The following ERG variants were observed in gnomAD, a reference collection of about 807,000 sequenced individuals.
ERG encodes transcriptional regulator ERG.
A neutral mutation model predicts 55.3 loss-of-function variants in ERG; 9 were observed. That is an observed-to-expected ratio of 0.16 (90% CI 0.10 to 0.28). The LOEUF is 0.28. Among genes scored for constraint, ERG ranks in the 10% least tolerant of loss-of-function variants. ERG has a pLI of 1.00. For missense variants in ERG, 434 were observed against 631.6 expected (o/e 0.69, Z 3.35); for synonymous variants, 223 against 237.3 (o/e 0.94, Z 0.55).
chr21:38,413,516 A>C (rs1989150857), intron 3 of ERG, among the ~76,000 whole-genome samples: 1 of 152,180 alleles, frequency 6.6e-6, no homozygotes, highest in Non-Finnish European at 1.5e-5. Context: ...AAAGATTCAA[A>C]AATGGCAAGA....
chr21:38,428,831 G>A lies in ERG; in HGVS notation c.237-5270C>T, dbSNP rs185379185. On this transcript the variant is annotated intron_variant, in intron 2 of 9. Transcript: ENST00000288319. Reference sequence around the variant, plus strand: ...GGAAATTTCTTTATTGCAAATAAGCGTGGTTCAAGATATTGCTCTCACAGA... The same window carrying A: ...GGAAATTTCTTTATTGCAAATAAGCATGGTTCAAGATATTGCTCTCACAGA... Among the ~76,000 whole-genome samples, 543 of 152,210 alleles carry A rather than the reference G, an allele frequency of 3.6e-3. 4 individuals are homozygous for A. Among genetic ancestry groups the A allele is most frequent in the African/African-American group, 0.013 (525 of 41,532 alleles).
intron 2 of ERG, among the ~76,000 whole-genome samples, chr21:38,444,804 A>C (rs548082344): frequency 6.6e-6 from 1 of 151,976 alleles, no homozygotes; most frequent in East Asian, 1.9e-4. Context: ...GGTGGAGGGC[A>C]GACAATGGAG....
intron 5 of ERG, among the ~76,000 whole-genome samples, chr21:38,400,860 T>C (rs1007415958): frequency 5.3e-5 from 8 of 152,222 alleles, no homozygotes; most frequent in African/African-American, 1.9e-4. Context: ...GTGCCCCGTT[T>C]GCTATAAAGC....
chr21:38,599,262 G>A (rs2060149788), intron 1 of ERG, among the ~76,000 whole-genome samples: 1 of 152,082 alleles, frequency 6.6e-6, no homozygotes, highest in African/African-American at 2.4e-5. Context: ...GGACTTGCAG[G>A]GGTGAGCCAG....
At chr21:38,461,462 C>T (rs1176533455) in intron 1 of ERG, among the ~76,000 whole-genome samples, 1 of 152,196 alleles carries the variant, frequency 6.6e-6, no homozygotes, top group African/African-American at 2.4e-5. Context: ...CAACCCATAC[C>T]ATCCTCCAGG....
At chr21:38,497,616 G>T (rs936080479) in intron 1 of ERG, among the ~76,000 whole-genome samples, 3 of 152,102 alleles carry the variant, frequency 2.0e-5, no homozygotes, top group Admixed American at 6.5e-5. Flanking sequence ...ATCTCTACAT[G>T]CTATCTACTA....
intron 1 of ERG, among the ~76,000 whole-genome samples, chr21:38,659,075 T>C (rs911670583): frequency 6.6e-6 from 1 of 152,236 alleles, no homozygotes; most frequent in Non-Finnish European, 1.5e-5. Flanking sequence ...TTATAAGTGC[T>C]ACTGGAATTA....
chr21:38,382,649 T>C lies in ERG; in HGVS notation c.*754A>G. ...GTCCAGTCTTCATTGCTTGAGAAGTTTCTTTCCCAGCCCTGGTCTCCTCCT... is the reference window on the plus strand; with the variant it reads ...GTCCAGTCTTCATTGCTTGAGAAGTCTCTTTCCCAGCCCTGGTCTCCTCCT... On this transcript the variant is annotated 3_prime_UTR_variant, in exon 10 of 10. Transcript: ENST00000288319. The C allele has an allele frequency of 9.4e-7, 1 of 1,066,950 alleles. No homozygotes were observed. Among genetic ancestry groups the C allele is most frequent in the South Asian group, 4.5e-5 (1 of 21,986 alleles). 66.1% of individuals were successfully genotyped at this position (1,066,950 alleles called of 1,614,324 possible).
At position 38,494,026 on chromosome 21, in the gene ERG, G is replaced by A. The variant is rs867347436; in HGVS notation, c.18+4337C>T. ...TCTGCCATTTATTGAGGATGGGTGC[G>A]AGACAGGGTAGCCATTATGATCCCA... is the stretch of plus-strand genomic sequence containing the variant. On this transcript the variant is annotated intron_variant, in intron 1 of 9. Coordinates refer to ENST00000288319, the MANE Select transcript of ERG (RefSeq NM_182918.4). Among the ~76,000 whole-genome samples the A allele has an allele frequency of 5.8e-4, 89 of 152,340 alleles. 1 individual carries two copies. Among genetic ancestry groups the A allele is most frequent in the Middle Eastern group, 3.4e-3 (1 of 294 alleles).
At chr21:38,469,665 A>T (rs188222507) in intron 1 of ERG, among the ~76,000 whole-genome samples, 1 of 152,184 alleles carries the variant, frequency 6.6e-6, no homozygotes, top group African/African-American at 2.4e-5. Flanking sequence ...ATGGAGAAGT[A>T]AAAAAACAAA....
intron 6 of ERG, among the ~76,000 whole-genome samples, chr21:38,398,127 C>T (rs1381233328): frequency 6.6e-6 from 1 of 152,140 alleles, no homozygotes; most frequent in African/African-American, 2.4e-5. Context: ...ACAGGGATAT[C>T]GTCAGATTCC....
upstream of ERG, among the ~76,000 whole-genome samples, chr21:38,499,535 A>G (rs1165031782): frequency 6.6e-6 from 1 of 152,146 alleles, no homozygotes; most frequent in Non-Finnish European, 1.5e-5. Context: ...AACACAATAG[A>G]CTAAATCCTG....
At chr21:38,543,919 T>C (rs2059771417) in intron 2 of ERG, among the ~76,000 whole-genome samples, 1 of 151,992 alleles carries the variant, frequency 6.6e-6, no homozygotes, top group South Asian at 2.1e-4. Flanking sequence ...ATATTTTTAG[T>C]AGAGACAGGA....
chr21:38,577,460 C>A (rs992055579), intron 1 of ERG, among the ~76,000 whole-genome samples: 2 of 152,166 alleles, frequency 1.3e-5, no homozygotes, highest in African/African-American at 4.8e-5. Context: ...CCCCCACCCC[C>A]AGGCCTAAAG....
At chr21:38,632,566 T>A (rs2060363266) in intron 1 of ERG, among the ~76,000 whole-genome samples, 1 of 152,168 alleles carries the variant, frequency 6.6e-6, no homozygotes, top group Non-Finnish European at 1.5e-5. Flanking sequence ...AGTGAATAAG[T>A]CTCACGAGAT....
At chr21:38,575,797 G>T in intron 1 of ERG, 2 of 1,342,166 alleles carry the variant, frequency 1.5e-6, no homozygotes, top group Non-Finnish European at 2.1e-6. Context: ...CTGCATTTCT[G>T]TGTTTTATGT....
chr21:38,367,467 T>G, the ERG span, among the ~76,000 whole-genome samples: 1 of 152,152 alleles, frequency 6.6e-6, no homozygotes, highest in Non-Finnish European at 1.5e-5. Context: ...ACAGGAGGCT[T>G]CATTTCCTCA....
intron 1 of ERG, among the ~76,000 whole-genome samples, chr21:38,452,907 T>C (rs780578053): frequency 1.3e-5 from 2 of 152,254 alleles, no homozygotes; most frequent in Admixed American, 6.5e-5. Flanking sequence ...TCTGTATGTC[T>C]GCCTCTAGAA....
upstream of ERG, among the ~76,000 whole-genome samples, chr21:38,589,231 C>T (rs938763345): frequency 3.3e-5 from 5 of 152,150 alleles, no homozygotes; most frequent in Non-Finnish European, 7.4e-5. Context: ...ACCCCACGTG[C>T]GTGACAGCAG....
Sources: gnomAD v4.1 joint callset for allele counts (sites outside exome capture counted in the v4.1 genomes callset) on GRCh38, gnomAD v4.1.1 for gene constraint, MANE v1.5 for transcripts, NCBI Gene and HGNC (gene_info 2026-07-23, HGNC 2026-07-21) for gene names.